SAMD5: variants seen among roughly 807,000 people sequenced by gnomAD.
The protein encoded by SAMD5 is sterile alpha motif domain containing 5, also known as sterile alpha motif domain-containing protein 5.
A neutral mutation model predicts 11.3 loss-of-function variants in SAMD5; 13 were observed. That is an observed-to-expected ratio of 1.15 (90% CI 0.75 to 1.83). The LOEUF is 1.83. SAMD5 is among the 40% of genes most tolerant of loss of function. SAMD5 has a pLI of 0.00. For synonymous variants in SAMD5, 129 were observed against 111.3 expected (o/e 1.16, Z -1.00); for missense variants, 255 against 239.1 (o/e 1.07, Z -0.44).
chr6:147,602,446 A>G (rs1463406294), intron 1 of SAMD5, among the ~76,000 whole-genome samples: 1 of 152,180 alleles, frequency 6.6e-6, no homozygotes, highest in Non-Finnish European at 1.5e-5. Context: ...ATTGTCACAA[A>G]AATTCTCACC....
At chr6:147,549,281 A>G (rs914937136) in intron 1 of SAMD5, among the ~76,000 whole-genome samples, 40 of 152,150 alleles carry the variant, frequency 2.6e-4, no homozygotes, top group African/African-American at 9.2e-4. Flanking sequence ...ATGAGTTTCA[A>G]CCAGCATCAC....
At chr6:147,910,991 G>A in the SAMD5 span, among the ~76,000 whole-genome samples, 2 of 152,154 alleles carry the variant, frequency 1.3e-5, no homozygotes, top group Non-Finnish European at 1.5e-5. Flanking sequence ...GTGTTTTCTC[G>A]AGAATTGAAT....
At chr6:147,913,015 C>T in the SAMD5 span, among the ~76,000 whole-genome samples, 91,535 of 151,966 alleles carry the variant, frequency 0.6, 28,643 homozygotes, top group African/African-American at 0.78. Context: ...AGTATACCTT[C>T]TTGTACAGTT....
chr6:147,872,151 G>T, the SAMD5 span, among the ~76,000 whole-genome samples: 1 of 152,086 alleles, frequency 6.6e-6, no homozygotes, highest in Admixed American at 6.6e-5. Context: ...TGTCACCCAG[G>T]CTGGAGTGCA....
At chr6:147,574,837 A>G (rs565205102), downstream of SAMD5, among the ~76,000 whole-genome samples, 2 of 152,286 alleles carry the variant, frequency 1.3e-5, no homozygotes, top group Non-Finnish European at 2.9e-5. Context: ...TAAAGGCCTC[A>G]CCTCTTAATA....
At chr6:147,686,956 T>G (rs1791020911) in intron 1 of SAMD5, among the ~76,000 whole-genome samples, 1 of 152,090 alleles carries the variant, frequency 6.6e-6, no homozygotes, top group Non-Finnish European at 1.5e-5. Flanking sequence ...ATAGGTATAT[T>G]CTTTACAATA....
At chr6:147,775,961 G>A in the SAMD5 span, among the ~76,000 whole-genome samples, 2 of 152,206 alleles carry the variant, frequency 1.3e-5, no homozygotes, top group African/African-American at 4.8e-5. Flanking sequence ...TCAGTACTGT[G>A]TATAAACAGA....
chr6:147,938,418 A>G, the SAMD5 span, among the ~76,000 whole-genome samples: 1 of 152,214 alleles, frequency 6.6e-6, no homozygotes, highest in Admixed American at 6.5e-5. Context: ...AGGGATGCTC[A>G]ATGGAAATTA....
the SAMD5 span, among the ~76,000 whole-genome samples, chr6:147,748,899 C>G: frequency 6.6e-6 from 1 of 152,146 alleles, no homozygotes; most frequent in Non-Finnish European, 1.5e-5. Context: ...CCTGAATGAC[C>G]CCCATAATCA....
intron 1 of SAMD5, among the ~76,000 whole-genome samples, chr6:147,727,120 T>G (rs762841381): frequency 5.9e-5 from 9 of 152,210 alleles, no homozygotes; most frequent in Non-Finnish European, 1.0e-4. Flanking sequence ...ACCTGTCCCC[T>G]GCCTACCAAT....
At chr6:147,697,059 G>C (rs1447436862) in intron 1 of SAMD5, among the ~76,000 whole-genome samples, 1 of 152,176 alleles carries the variant, frequency 6.6e-6, no homozygotes, top group East Asian at 1.9e-4. Flanking sequence ...TCCTCATGTG[G>C]TGGAAAGAGC....
the SAMD5 span, among the ~76,000 whole-genome samples, chr6:147,899,841 G>A: frequency 5.0e-3 from 769 of 152,314 alleles, 1 homozygote; most frequent in African/African-American, 0.018. Context: ...ACTCTAGGTA[G>A]AGTTAAATTA....
chr6:147,819,357 A>G, the SAMD5 span, among the ~76,000 whole-genome samples: 1 of 152,210 alleles, frequency 6.6e-6, no homozygotes, highest in East Asian at 1.9e-4. Context: ...AGAGAGGAGC[A>G]GAGAAAAGAA....
At chr6:147,906,832 T>A in the SAMD5 span, among the ~76,000 whole-genome samples, 1 of 152,222 alleles carries the variant, frequency 6.6e-6, no homozygotes, top group Non-Finnish European at 1.5e-5. Flanking sequence ...TGACATTCCA[T>A]AGGAGAGTAA....
intron 1 of SAMD5, among the ~76,000 whole-genome samples, chr6:147,545,618 G>A (rs1788673121): frequency 6.6e-6 from 1 of 152,086 alleles, no homozygotes; most frequent in South Asian, 2.1e-4. Context: ...CTTTAATTTG[G>A]CATTGCAGAA....
At chr6:147,700,175 C>A (rs1288667432) in intron 1 of SAMD5, among the ~76,000 whole-genome samples, 1 of 152,212 alleles carries the variant, frequency 6.6e-6, no homozygotes, top group Middle Eastern at 3.4e-3. Context: ...TTATTAAACT[C>A]GTAAGATTTT....
the SAMD5 span, among the ~76,000 whole-genome samples, chr6:147,861,584 A>T: frequency 6.6e-6 from 1 of 152,064 alleles, no homozygotes; most frequent in African/African-American, 2.4e-5. Flanking sequence ...AGACAAACTC[A>T]TTTTCATTAG....
At chr6:147,842,989 A>T in the SAMD5 span, among the ~76,000 whole-genome samples, 2 of 152,148 alleles carry the variant, frequency 1.3e-5, no homozygotes, top group African/African-American at 4.8e-5. Context: ...CCTCTCAAGT[A>T]GCTGGGATTA....
chr6:147,748,007 G>A, the SAMD5 span, among the ~76,000 whole-genome samples: 1 of 152,156 alleles, frequency 6.6e-6, no homozygotes, highest in Non-Finnish European at 1.5e-5. Flanking sequence ...CTTAGTCACA[G>A]TAGACAAGTT....
Sources: gnomAD v4.1 joint callset for allele counts (sites outside exome capture counted in the v4.1 genomes callset) on GRCh38, gnomAD v4.1.1 for gene constraint, MANE v1.5 for transcripts, NCBI Gene and HGNC (gene_info 2026-07-23, HGNC 2026-07-21) for gene names.